Variants in SCLT1 observed in about 807,000 individuals in gnomAD.
SCLT1 encodes the protein sodium channel-associated protein 1.
Under a neutral mutation model 112.8 loss-of-function variants are expected in SCLT1, and 78 were observed. The ratio of observed to expected loss-of-function variants is 0.69; its 90% CI spans 0.58 to 0.83. The LOEUF is 0.83. Ranked by LOEUF, SCLT1 falls within the 40% of genes least tolerant of loss-of-function variation. SCLT1 has a pLI of 0.00. For missense variants in SCLT1, 747 were observed against 770.4 expected, an observed-to-expected ratio of 0.97 and a Z score of 0.36; for synonymous variants, 257 against 254.7, an observed-to-expected ratio of 1.01 and a Z score of -0.09.
intron 5 of SCLT1, among the ~76,000 whole-genome samples, chr4:129,034,626 C>CA (rs1217489527): frequency 2.0e-5 from 3 of 149,892 alleles, no homozygotes; most frequent in African/African-American, 2.5e-5. Context: ...TTTTAAATTT[C>CA]AAAAAAACTT....
chr4:128,937,986 T>C (rs977315585), intron 17 of SCLT1, among the ~76,000 whole-genome samples: 3 of 152,206 alleles, frequency 2.0e-5, no homozygotes, highest in African/African-American at 7.2e-5. Context: ...TATTTTTCTA[T>C]GTTTTGTGGT....
chr4:128,993,851 G>A (rs1414408317), intron 8 of SCLT1, among the ~76,000 whole-genome samples: 1 of 151,952 alleles, frequency 6.6e-6, no homozygotes, highest in Non-Finnish European at 1.5e-5. Flanking sequence ...ATAGAGATGA[G>A]CAAATCTTAA....
chr4:128,963,750 T>A (rs1330975218), intron 11 of SCLT1, among the ~76,000 whole-genome samples: 2 of 152,212 alleles, frequency 1.3e-5, no homozygotes, highest in African/African-American at 2.4e-5. Context: ...TATTATTGAT[T>A]CCTTCAAGGA....
intron 20 of SCLT1, among the ~76,000 whole-genome samples, chr4:128,885,272 G>A (rs958817051): frequency 5.9e-5 from 9 of 152,068 alleles, no homozygotes; most frequent in Admixed American, 5.9e-4. Context: ...AGTACAAAAC[G>A]GTAGACAGCA....
chr4:129,053,737 C>T (rs1461817692), intron 2 of SCLT1, among the ~76,000 whole-genome samples: 1 of 151,806 alleles, frequency 6.6e-6, no homozygotes, highest in Non-Finnish European at 1.5e-5. Context: ...TTAATTGGGG[C>T]ATTTAGCCCA....
intron 20 of SCLT1, among the ~76,000 whole-genome samples, chr4:128,887,456 T>C (rs1427797306): frequency 9.2e-5 from 14 of 152,004 alleles, no homozygotes; most frequent in Admixed American, 9.2e-4. Context: ...GCAAGCAGAG[T>C]GGCTTTACTA....
intron 8 of SCLT1, among the ~76,000 whole-genome samples, chr4:128,993,210 T>C (rs1230278398): frequency 1.3e-5 from 2 of 152,056 alleles, no homozygotes; most frequent in African/African-American, 4.8e-5. Flanking sequence ...AACTGTTTCC[T>C]TTCTGTACTT....
chr4:128,885,963 T>A (rs1474819189), intron 20 of SCLT1, among the ~76,000 whole-genome samples: 3 of 152,122 alleles, frequency 2.0e-5, no homozygotes, highest in Non-Finnish European at 2.9e-5. Context: ...CTGTGGCATT[T>A]TTTGAAAACT....
At chr4:129,003,999 C>A (rs1743771760) in intron 5 of SCLT1, 123 bp from the exon 6 acceptor site, 6 of 818,406 alleles carry the variant, frequency 7.3e-6, no homozygotes, top group South Asian at 6.5e-5. Context: ...TTTAAGTAGA[C>A]TTCAAATAAA....
At chr4:128,998,252 GAAATTCT>G (rs538512034) in intron 7 of SCLT1, among the ~76,000 whole-genome samples, 1 of 151,730 alleles carries the variant, frequency 6.6e-6, no homozygotes, top group Non-Finnish European at 1.5e-5. Context: ...TAAGTGATTA[GAAATTCT>G]AAATGCTAGA....
chr4:128,880,760 T>C (rs1732620989), downstream of SCLT1, among the ~76,000 whole-genome samples: 1 of 152,186 alleles, frequency 6.6e-6, no homozygotes, highest in Non-Finnish European at 1.5e-5. Flanking sequence ...AAATATTATA[T>C]ATGTACATTT....
chr4:129,050,166 T>G (rs1261749542), intron 2 of SCLT1, among the ~76,000 whole-genome samples: 1 of 152,222 alleles, frequency 6.6e-6, no homozygotes, highest in Non-Finnish European at 1.5e-5. Flanking sequence ...TGGTTCCAAG[T>G]CTTTGCTATT....
At chr4:129,052,358 CT>C (rs1166714279) in intron 2 of SCLT1, among the ~76,000 whole-genome samples, 1 of 152,084 alleles carries the variant, frequency 6.6e-6, no homozygotes, top group African/African-American at 2.4e-5. Flanking sequence ...TGGTCCTGGA[CT>C]TTTTTTGGTT....
At chr4:128,950,834 T>C (rs781108132) in intron 14 of SCLT1, among the ~76,000 whole-genome samples, 1 of 152,206 alleles carries the variant, frequency 6.6e-6, no homozygotes, top group Non-Finnish European at 1.5e-5. Context: ...TCTTATTTGA[T>C]ATAGATTAAT....
intron 18 of SCLT1, among the ~76,000 whole-genome samples, chr4:128,904,727 A>G (rs545226281): frequency 6.6e-6 from 1 of 152,348 alleles, no homozygotes; most frequent in East Asian, 1.9e-4. Flanking sequence ...GGCAAAATAA[A>G]TATTTTCTGA....
At chr4:129,039,860 T>C in intron 4 of SCLT1, 1 of 245,464 alleles carries the variant, frequency 4.1e-6, no homozygotes, top group East Asian at 7.4e-5. Context: ...TAGTCAACTC[T>C]CAGTAAGTGT....
At chr4:129,071,842 C>T (rs187658368) in intron 2 of SCLT1, among the ~76,000 whole-genome samples, 5 of 152,198 alleles carry the variant, frequency 3.3e-5, no homozygotes, top group Admixed American at 2.0e-4. Flanking sequence ...TCACCATGCT[C>T]TCTGTTGCCA....
intron 10 of SCLT1, among the ~76,000 whole-genome samples, chr4:128,966,132 ATT>A (rs756291868): frequency 1.2e-3 from 158 of 130,652 alleles, no homozygotes; most frequent in Middle Eastern, 4.2e-3. Context: ...GCTTGGCCAA[ATT>A]TTTTTTTTTT....
chr4:129,021,283 C>G (rs370468250), intron 5 of SCLT1, among the ~76,000 whole-genome samples: 138 of 152,216 alleles, frequency 9.1e-4, no homozygotes, highest in African/African-American at 3.2e-3. Flanking sequence ...GAGTTTCAAG[C>G]ACAAAACTGT....
Sources: allele counts gnomAD v4.1 joint callset (sites outside exome capture counted in the v4.1 genomes callset), GRCh38; gene constraint gnomAD v4.1.1; transcripts MANE v1.5; gene names NCBI Gene and HGNC (gene_info 2026-07-23, HGNC 2026-07-21).